Variants in CEP112 observed in about 807,000 individuals in gnomAD.
CEP112 encodes centrosomal protein 112.
CEP112 carries 127 observed loss-of-function variants against 153.0 expected under a neutral mutation model. The observed-to-expected ratio is 0.83, with a 90% CI of 0.72 to 0.96. CEP112 has a LOEUF of 0.96. Ranked by LOEUF, CEP112 falls within the 40% of genes least tolerant of loss-of-function variation. The pLI is 0.00. For missense variants in CEP112, 1,089 were observed against 1,101.2 expected (o/e 0.99, Z 0.16); for synonymous variants, 358 against 374.4 (o/e 0.96, Z 0.51).
At chr17:66,027,760 T>G (rs1195557348) in intron 15 of CEP112, among the ~76,000 whole-genome samples, 200 bp from the exon 16 acceptor site, 2 of 152,198 alleles carry the variant, frequency 1.3e-5, no homozygotes, top group African/African-American at 4.8e-5. Context: ...CTGAAGATAT[T>G]ACTATTCTCA....
At chr17:65,662,495 T>A (rs1282786200) in intron 24 of CEP112, among the ~76,000 whole-genome samples, 2 of 152,144 alleles carry the variant, frequency 1.3e-5, no homozygotes, top group South Asian at 4.1e-4. Flanking sequence ...AAAGGTCAAA[T>A]AAAGAGCAGG....
intron 16 of CEP112, among the ~76,000 whole-genome samples, chr17:66,008,701 C>G (rs963763383): frequency 6.6e-6 from 1 of 152,178 alleles, no homozygotes; most frequent in African/African-American, 2.4e-5. Context: ...CATCCCTCCC[C>G]ACCCAGCCCC....
At chr17:66,034,005 T>C (rs1302635906) in intron 12 of CEP112, among the ~76,000 whole-genome samples, 1 of 152,138 alleles carries the variant, frequency 6.6e-6, no homozygotes, top group African/African-American at 2.4e-5. Context: ...CCCACTTACA[T>C]GAAGGGTCCG....
intron 20 of CEP112, among the ~76,000 whole-genome samples, chr17:65,852,370 TTCCC>T (rs2057981871): frequency 2.4e-5 from 1 of 41,708 alleles, no homozygotes; most frequent in Admixed American, 2.8e-4. Flanking sequence ...CCCTCCTCCC[TTCCC>T]TTCCTTCCTT....
intron 17 of CEP112, among the ~76,000 whole-genome samples, chr17:66,003,245 C>T (rs2064135413): frequency 1.3e-5 from 2 of 152,100 alleles, no homozygotes; most frequent in Non-Finnish European, 2.9e-5. Context: ...TCTTTTAACT[C>T]CAAGCAAAAT....
In CEP112 at chr17:66,175,110, T is replaced by C. The variant is rs1460302103; in HGVS notation, c.404A>G (p.Asn135Ser). Residue 135 changes from asparagine (N) to serine (S), a missense_variant, in exon 4 of 27, where the codon AAT (asparagine) becomes AGT (serine). By Grantham distance (46) the Asn-to-Ser change is conservative. Coordinates refer to ENST00000535342, the MANE Select transcript of CEP112 (RefSeq NM_001199165.4). ...TCCAGAAGAGAGTTTCCATGATTCA[T>C]TTAATTTGTGTTCACTTGTCTCCAG... ...GELETSEHKLNESWKLSSGED... is the reference protein window; with the variant it reads ...GELETSEHKLSESWKLSSGED... 1 of 1,613,296 alleles carries C rather than the reference T, an allele frequency of 6.2e-7. No individual in the cohort carries two copies. Among genetic ancestry groups the C allele is most frequent in the Non-Finnish European group, 8.5e-7 (1 of 1,179,690 alleles).
At chr17:66,048,197 G>T (rs1246473568) in intron 12 of CEP112, among the ~76,000 whole-genome samples, 1 of 152,120 alleles carries the variant, frequency 6.6e-6, no homozygotes, top group Admixed American at 6.5e-5. Context: ...TTTGTAAAAG[G>T]AAAGGGCCCA....
At chr17:65,828,450 G>C (rs1476081912) in intron 21 of CEP112, among the ~76,000 whole-genome samples, 1 of 152,232 alleles carries the variant, frequency 6.6e-6, no homozygotes, top group African/African-American at 2.4e-5. Context: ...TTAAAGCAGA[G>C]ATGGAGACAG....
At chr17:66,044,614 G>A (rs946201418) in intron 12 of CEP112, among the ~76,000 whole-genome samples, 5 of 152,342 alleles carry the variant, frequency 3.3e-5, no homozygotes, top group Admixed American at 2.6e-4. Flanking sequence ...GCCAGTCACT[G>A]AAGGACAAAT....
intron 6 of CEP112, among the ~76,000 whole-genome samples, chr17:66,104,904 A>G (rs1232606294): frequency 6.6e-6 from 1 of 152,230 alleles, no homozygotes; most frequent in Non-Finnish European, 1.5e-5. Flanking sequence ...ATCCGAAAGG[A>G]AAGGACATTA....
intron 24 of CEP112, among the ~76,000 whole-genome samples, chr17:65,676,725 T>A (rs1406497224): frequency 6.6e-6 from 1 of 152,212 alleles, no homozygotes; most frequent in African/African-American, 2.4e-5. Context: ...TTCATTCAGT[T>A]ACCATGGCAC....
At chr17:65,791,542 C>A (rs2054594869) in intron 21 of CEP112, among the ~76,000 whole-genome samples, 1 of 152,166 alleles carries the variant, frequency 6.6e-6, no homozygotes, top group South Asian at 2.1e-4. Context: ...CCACTTCTGC[C>A]ATATTATCTA....
At chr17:65,826,197 G>C in intron 21 of CEP112, 1 of 1,614,150 alleles carries the variant, frequency 6.2e-7, no homozygotes, top group Non-Finnish European at 8.5e-7. Flanking sequence ...CTTCCTGCCT[G>C]CTCTGTCTTG....
intron 21 of CEP112, among the ~76,000 whole-genome samples, chr17:65,753,716 A>G (rs1241052479): frequency 6.6e-6 from 1 of 152,232 alleles, no homozygotes; most frequent in African/African-American, 2.4e-5. Context: ...TTTAAAATAA[A>G]CGCTTAATAG....
At chr17:65,864,859 T>G (rs1256029399) in intron 20 of CEP112, among the ~76,000 whole-genome samples, 1 of 151,942 alleles carries the variant, frequency 6.6e-6, no homozygotes, top group Non-Finnish European at 1.5e-5. Context: ...GTCAGAGTGC[T>G]ACTATAGCCA....
intron 24 of CEP112, among the ~76,000 whole-genome samples, chr17:65,659,146 T>C (rs1363881906): frequency 1.3e-5 from 2 of 151,828 alleles, no homozygotes. Context: ...TCAACAGTGC[T>C]ACAGATAAGG....
At chr17:66,184,697 C>T (rs2072857248) in intron 1 of CEP112, among the ~76,000 whole-genome samples, 1 of 152,076 alleles carries the variant, frequency 6.6e-6, no homozygotes, top group Non-Finnish European at 1.5e-5. Flanking sequence ...CAGTTTCTTA[C>T]AAAAATAAAC....
chr17:66,133,085 A>C (rs2070270253), intron 4 of CEP112, among the ~76,000 whole-genome samples: 1 of 151,810 alleles, frequency 6.6e-6, no homozygotes, highest in African/African-American at 2.4e-5. Flanking sequence ...GATGTTCCAC[A>C]TCAAAAAAAA....
At chr17:65,641,500 C>A (rs553672483) in intron 24 of CEP112, among the ~76,000 whole-genome samples, 2 of 152,130 alleles carry the variant, frequency 1.3e-5, no homozygotes, top group African/African-American at 4.8e-5. Context: ...TGGTGGCTCA[C>A]GCCTGTAGTC....
Sources: gnomAD v4.1 joint callset for allele counts (sites outside exome capture counted in the v4.1 genomes callset) on GRCh38, gnomAD v4.1.1 for gene constraint, MANE v1.5 for transcripts, NCBI Gene and HGNC (gene_info 2026-07-23, HGNC 2026-07-21) for gene names.